Variants in WDFY2 observed in about 807,000 individuals in gnomAD.
WDFY2 encodes WD repeat and FYVE domain containing 2.
In WDFY2, 36 loss-of-function variants were observed where a neutral mutation model predicts 56.4. That is an observed-to-expected ratio of 0.64 (90% CI 0.49 to 0.84). The LOEUF (loss-of-function observed/expected upper bound fraction) is 0.84, where lower values mean the gene tolerates loss of function less well. Among genes scored for constraint, WDFY2 ranks in the 40% least tolerant of loss-of-function variants. WDFY2 has a pLI of 0.00. For missense variants in WDFY2, 444 were observed against 512.2 expected (o/e 0.87, Z 1.29); for synonymous variants, 176 against 183.7 (o/e 0.96, Z 0.34).
chr13:51,749,659 A>G (rs1049162968), intron 7 of WDFY2, among the ~76,000 whole-genome samples: 6 of 152,198 alleles, frequency 3.9e-5, no homozygotes, highest in African/African-American at 1.4e-4. Flanking sequence ...ACTCAAAGGT[A>G]TAGCCTCACT....
At chr13:51,720,942 T>TTCTCTCTCTCTC (rs71749521) in intron 5 of WDFY2, among the ~76,000 whole-genome samples, 1 of 147,846 alleles carries the variant, frequency 6.8e-6, no homozygotes, top group African/African-American at 2.5e-5. Context: ...TCATTCTGTC[T>TTCTCTCTCTCTC]TCTCTCTCTC....
At chr13:51,751,223 C>A in intron 7 of WDFY2, 87 bp from the exon 8 acceptor site, 1 of 1,265,868 alleles carries the variant, frequency 7.9e-7, no homozygotes, top group Non-Finnish European at 1.1e-6. Flanking sequence ...AGTGAGTGAG[C>A]ACATTGGCTG....
rs1189745184 is a variant in WDFY2, at chr13:51,636,414, G to C, written c.138-24182G>C. Among the ~76,000 whole-genome samples the C allele has an allele frequency of 3.3e-5, 5 of 152,336 alleles. No homozygotes were observed. In the East Asian group the frequency reaches 9.6e-4, roughly 29 times the overall value. On this transcript the variant is annotated intron_variant, in intron 1 of 11. Coordinates refer to ENST00000298125, the MANE Select transcript of WDFY2 (RefSeq NM_052950.4). The stretch of plus-strand genomic sequence containing the variant: ...TGGGAAGTGCCAGTTCTAGCAGAGA[G>C]GCAAAGAGGGAATTAACCTTGACCC...
At chr13:51,586,133 C>T in intron 1 of WDFY2, 1 of 398,412 alleles carries the variant, frequency 2.5e-6, no homozygotes. Context: ...TTTTGAAATT[C>T]ACAGAGAAGC....
intron 1 of WDFY2, among the ~76,000 whole-genome samples, chr13:51,610,620 A>T (rs983396543): frequency 6.6e-6 from 1 of 152,230 alleles, no homozygotes; most frequent in African/African-American, 2.4e-5. Flanking sequence ...GTAAGGATTG[A>T]TATGAATGTA....
At chr13:51,720,520 TAC>T (rs1196982193) in intron 5 of WDFY2, among the ~76,000 whole-genome samples, 1 of 152,246 alleles carries the variant, frequency 6.6e-6, no homozygotes, top group Non-Finnish European at 1.5e-5. Flanking sequence ...TAAGTTGAAA[TAC>T]ATGAACTCTC....
chr13:51,744,856 C>A (rs1303591220), intron 7 of WDFY2, among the ~76,000 whole-genome samples: 1 of 152,140 alleles, frequency 6.6e-6, no homozygotes, highest in African/African-American at 2.4e-5. Context: ...AACGTGTAAA[C>A]CTGGGATGTT....
intron 4 of WDFY2, among the ~76,000 whole-genome samples, chr13:51,713,152 C>T (rs1048815226): frequency 1.3e-5 from 2 of 152,126 alleles, no homozygotes; most frequent in Admixed American, 1.3e-4. Context: ...CTTGTCAAAA[C>T]TAGACCAAAA....
chr13:51,738,854 T>C (rs964133865), intron 6 of WDFY2, among the ~76,000 whole-genome samples, 195 bp from the exon 7 acceptor site: 3 of 152,234 alleles, frequency 2.0e-5, no homozygotes, highest in Admixed American at 2.0e-4. Context: ...GAAATGTTGG[T>C]GAAAAATGCT....
chr13:51,608,573 T>C (rs1341316775), intron 1 of WDFY2, among the ~76,000 whole-genome samples: 4 of 152,156 alleles, frequency 2.6e-5, no homozygotes. Flanking sequence ...TCCAGCTACT[T>C]GGGTGGCTGA....
At chr13:51,618,147 T>C (rs1193179973) in intron 1 of WDFY2, among the ~76,000 whole-genome samples, 1 of 152,254 alleles carries the variant, frequency 6.6e-6, no homozygotes, top group Non-Finnish European at 1.5e-5. Context: ...CCCCTGTTGT[T>C]AGCACTACAT....
chr13:51,621,575 A>G (rs1954726748), intron 1 of WDFY2, among the ~76,000 whole-genome samples: 1 of 152,210 alleles, frequency 6.6e-6, no homozygotes, highest in East Asian at 1.9e-4. Flanking sequence ...TACCTGGGAA[A>G]GCAGACTTTG....
rs1276136291 is a variant in WDFY2, at chr13:51,763,020, GGTTTT to G, written c.*3252_*3256del. The G allele has an allele frequency of 6.6e-6, 1 of 152,088 alleles. No homozygotes were observed. Among genetic ancestry groups the G allele is most frequent in the Non-Finnish European group, 1.5e-5 (1 of 68,024 alleles). The allele number at this position is 152,088 out of a possible 1,614,324, so 9.4% of individuals were successfully genotyped here. A position where few individuals can be genotyped will look rare whatever the true frequency, so the allele number is the denominator to read the frequency against. ...ATCCACCATAACGTGTTTCTCATTT[GGTTTT>G]AATTATTTCCAGAAATCATAAAGTC... On this transcript the variant is annotated 3_prime_UTR_variant, in exon 12 of 12. Transcript: ENST00000298125.
chr13:51,630,740 C>T (rs1450930724), intron 1 of WDFY2, among the ~76,000 whole-genome samples: 1 of 147,028 alleles, frequency 6.8e-6, no homozygotes, highest in African/African-American at 2.5e-5. Context: ...GTTTAGCTTT[C>T]ACTGAAATTT....
chr13:51,618,000 T>G (rs768764436), intron 1 of WDFY2, among the ~76,000 whole-genome samples: 48 of 152,236 alleles, frequency 3.2e-4, no homozygotes, highest in Non-Finnish European at 2.5e-4. Context: ...CTATAGATAC[T>G]AACATCTAGT....
Position 51,688,595 on chromosome 13 carries a change from G to A in WDFY2, c.279+13352G>A, listed in dbSNP as rs115428372. ...TCTAAAAAATGAGTCATTGTGCTAG[G>A]TAATCTCTAAGACCCCTTACAAACT... On this transcript the variant is annotated intron_variant, in intron 3 of 11. Transcript: ENST00000298125. Among the ~76,000 whole-genome samples, 749 of 152,166 alleles carry A rather than the reference G, an allele frequency of 4.9e-3. 4 individuals are homozygous for A. Among genetic ancestry groups the A allele is most frequent in the African/African-American group, 0.014 (587 of 41,498 alleles).
rs976117189 is a variant in WDFY2 at position 51,767,073 on chromosome 13, A to C, written c.*7304A>C. 4 of 152,290 alleles carry C rather than the reference A, an allele frequency of 2.6e-5. No homozygotes were observed. Among genetic ancestry groups the C allele is most frequent in the African/African-American group, 9.6e-5 (4 of 41,478 alleles). The allele number at this position is 152,290 out of a possible 1,614,324, so 9.4% of individuals were successfully genotyped here. The stretch of plus-strand genomic sequence containing the variant: ...TGCTTAGTAAACTTTTCCAGTGAGG[A>C]GAAATGACTTCGGGGCAAACACTGC... On this transcript the variant is annotated 3_prime_UTR_variant, in exon 12 of 12. Coordinates refer to ENST00000298125, the MANE Select transcript of WDFY2 (RefSeq NM_052950.4).
At chr13:51,673,791 A>T (rs1165534007) in intron 2 of WDFY2, among the ~76,000 whole-genome samples, 1 of 152,146 alleles carries the variant, frequency 6.6e-6, no homozygotes, top group Admixed American at 6.5e-5. Flanking sequence ...TGTTTTCAGG[A>T]GTGTACTCTT....
intron 7 of WDFY2, among the ~76,000 whole-genome samples, chr13:51,750,294 TC>T (rs1202396379): frequency 6.6e-6 from 1 of 152,158 alleles, no homozygotes; most frequent in Non-Finnish European, 1.5e-5. Context: ...GGTATCGTAA[TC>T]CAATTTATTG....
Sources: gnomAD v4.1 joint callset for allele counts (sites outside exome capture counted in the v4.1 genomes callset) on GRCh38, gnomAD v4.1.1 for gene constraint, MANE v1.5 for transcripts, NCBI Gene and HGNC (gene_info 2026-07-23, HGNC 2026-07-21) for gene names.